RTF1: variants seen among roughly 807,000 people sequenced by gnomAD.
RTF1 encodes the protein RTF1 homolog, Paf1/RNA polymerase II complex component.
A neutral mutation model predicts 95.7 loss-of-function variants in RTF1; 10 were observed. The observed-to-expected ratio is 0.10, with a 90% CI of 0.06 to 0.18. RTF1 has a LOEUF of 0.18. Ranked by LOEUF, RTF1 falls within the 10% of genes least tolerant of loss-of-function variation. The pLI, the probability that RTF1 is intolerant of heterozygous loss-of-function variation, is 1.00. For missense variants in RTF1, 458 were observed against 875.6 expected (o/e 0.52, Z 6.02); for synonymous variants, 305 against 311.8 (o/e 0.98, Z 0.23).
In RTF1 at chr15:41,482,155, A is replaced by G. The variant is rs2050979882; in HGVS notation, c.*1468A>G. ...GTATACATATATATGGTCAGCATAT[A>G]TATTGTGCAGCTAGGGCGAAGCCAG... is the stretch of plus-strand genomic sequence containing the variant. On this transcript the variant is annotated 3_prime_UTR_variant, in exon 18 of 18. Coordinates refer to ENST00000389629, the MANE Select transcript of RTF1 (RefSeq NM_015138.5). The G allele has an allele frequency of 6.6e-6, 1 of 152,558 alleles. No individual in the cohort carries two copies. The highest frequency in any genetic ancestry group is 2.1e-4 in the South Asian group (1 of 4,834). 9.5% of individuals were successfully genotyped at this position (152,558 alleles called of 1,614,324 possible). A position where few individuals can be genotyped will look rare whatever the true frequency, so the allele number is the denominator to read the frequency against.
intron 1 of RTF1, among the ~76,000 whole-genome samples, chr15:41,429,299 C>A (rs773478083): frequency 3.9e-5 from 6 of 152,164 alleles, no homozygotes; most frequent in Non-Finnish European, 7.3e-5. Flanking sequence ...CTTTTTTCCT[C>A]GTCATCTCGT....
At chr15:41,466,707 A>G (rs2050882186) in intron 6 of RTF1, among the ~76,000 whole-genome samples, 1 of 152,256 alleles carries the variant, frequency 6.6e-6, no homozygotes, top group Non-Finnish European at 1.5e-5. Flanking sequence ...CACTTGAATC[A>G]GGATCTTAAA....
intron 9 of RTF1, 144 bp downstream of exon 9, chr15:41,474,846 G>A (rs1595440659): frequency 1.5e-6 from 1 of 688,804 alleles, no homozygotes; most frequent in South Asian, 1.7e-5. Context: ...AGGGAGACTT[G>A]TATTCCATCT....
At chr15:41,417,820 C>G (rs539657736) in intron 1 of RTF1, among the ~76,000 whole-genome samples, 1 of 152,140 alleles carries the variant, frequency 6.6e-6, no homozygotes, top group Non-Finnish European at 1.5e-5. Flanking sequence ...GTAAATGTTC[C>G]TAGGAGCCTC....
intron 5 of RTF1, among the ~76,000 whole-genome samples, chr15:41,465,853 G>T (rs2050877952): frequency 6.6e-6 from 1 of 152,230 alleles, no homozygotes; most frequent in Non-Finnish European, 1.5e-5. Context: ...GGGGCTGAGT[G>T]TAGTGGCTTA....
At chr15:41,423,304 A>G (rs1439295943) in intron 1 of RTF1, among the ~76,000 whole-genome samples, 2 of 152,166 alleles carry the variant, frequency 1.3e-5, no homozygotes, top group East Asian at 3.8e-4. Flanking sequence ...GTCATGTTGC[A>G]TCTAGCTTGA....
chr15:41,465,568 G>A (rs28372178), intron 5 of RTF1, among the ~76,000 whole-genome samples: 11 of 152,006 alleles, frequency 7.2e-5, no homozygotes, highest in African/African-American at 2.7e-4. Flanking sequence ...TTGAACCTCA[G>A]AAGCGGAGGT....
At chr15:41,474,768 G>C in intron 9 of RTF1, 66 bp downstream of exon 9, 1 of 1,118,108 alleles carries the variant, frequency 8.9e-7, no homozygotes, top group South Asian at 1.2e-5. Flanking sequence ...GGGGGCTGCT[G>C]TTCTCTCTGT....
rs557170204 is a variant in RTF1 at position 41,427,244 on chromosome 15, C to T, written c.198+9931C>T. 5.9e-4 allele frequency among the ~76,000 whole-genome samples: 89 copies of T among 149,974 alleles called. 1 individual carries two copies. The highest frequency in any genetic ancestry group is 3.9e-3 in the Admixed American group (58 of 14,918). On this transcript the variant is annotated intron_variant, in intron 1 of 17. Transcript: ENST00000389629. ...TCGGCTCACTGCAAGCTCCGCCTCC[C>T]GGGTTCACGCCATTCTCCTGCCTCA... is the stretch of plus-strand genomic sequence containing the variant.
At chr15:41,419,640 GCA>G (rs2140942538) in intron 1 of RTF1, among the ~76,000 whole-genome samples, 1 of 152,260 alleles carries the variant, frequency 6.6e-6, no homozygotes, top group African/African-American at 2.4e-5. Flanking sequence ...TCTTGGTAAA[GCA>G]CTCTCAAGAC....
intron 1 of RTF1, 23 bp from the exon 2 acceptor site, chr15:41,438,298 T>C (rs1238358649): frequency 8.2e-6 from 12 of 1,465,692 alleles, no homozygotes; most frequent in South Asian, 1.2e-5. Context: ...ACAAAACTGA[T>C]GTGCCTATTT....
intron 4 of RTF1, among the ~76,000 whole-genome samples, chr15:41,463,394 C>T (rs1190558697): frequency 1.3e-5 from 2 of 152,196 alleles, no homozygotes; most frequent in Non-Finnish European, 2.9e-5. Context: ...TGAGAAACTG[C>T]AGCTGCATCA....
intron 1 of RTF1, among the ~76,000 whole-genome samples, chr15:41,417,574 CG>C (rs1310849630): frequency 1.3e-5 from 2 of 152,172 alleles, no homozygotes; most frequent in East Asian, 3.9e-4. Flanking sequence ...GCCTCGGGCT[CG>C]GGGGTAGCGA....
intron 15 of RTF1, 63 bp from the exon 16 acceptor site, chr15:41,479,040 A>C (rs749497849): frequency 1.3e-4 from 148 of 1,159,200 alleles, no homozygotes; most frequent in Admixed American, 2.8e-4. Flanking sequence ...GGTGGGAAAG[A>C]ATCTGGCAGT....
chr15:41,437,484 A>G (rs1440211435), intron 1 of RTF1, among the ~76,000 whole-genome samples: 1 of 152,156 alleles, frequency 6.6e-6, no homozygotes, highest in African/African-American at 2.4e-5. Context: ...TGACACAGCG[A>G]GACTCTGTCT....
Position 41,466,215 on chromosome 15 carries a change from G to A in RTF1, c.852G>A (p.Glu284=). 6.3e-7 allele frequency: 1 copy of A among 1,591,452 alleles called. No homozygotes were observed. The highest frequency in any genetic ancestry group is 1.2e-5 in the South Asian group (1 of 86,750). The stretch of plus-strand genomic sequence containing the variant: ...ACAAGAAATCTCAAGCCATGGAGGA[G>A]CTAAAAGCAGAGCGAGAAAAACGAA... ...KLDKKSQAME[E]LKAEREKRKN... Residue 284 remains glutamate (E), a synonymous_variant, in exon 6 of 18, where the codon GAG becomes GAA. Coordinates refer to ENST00000389629, the MANE Select transcript of RTF1 (RefSeq NM_015138.5).
intron 4 of RTF1, among the ~76,000 whole-genome samples, chr15:41,461,880 C>T (rs1230878656): frequency 1.3e-5 from 2 of 151,686 alleles, no homozygotes; most frequent in African/African-American, 4.8e-5. Flanking sequence ...GCTGGGATTA[C>T]AGGCGTGAGC....
At chr15:41,439,671 G>T (rs2050722806) in intron 2 of RTF1, among the ~76,000 whole-genome samples, 2 of 152,062 alleles carry the variant, frequency 1.3e-5, no homozygotes, top group South Asian at 4.1e-4. Flanking sequence ...ATTTTTTTGA[G>T]ATGGAGTCTC....
At chr15:41,471,636 T>G (rs944217824) in intron 8 of RTF1, among the ~76,000 whole-genome samples, 2 of 152,172 alleles carry the variant, frequency 1.3e-5, no homozygotes, top group Non-Finnish European at 2.9e-5. Context: ...AAGTGTTCAT[T>G]GGGAGTTACA....
Sources: gnomAD v4.1 joint callset for allele counts (sites outside exome capture counted in the v4.1 genomes callset) on GRCh38, gnomAD v4.1.1 for gene constraint, MANE v1.5 for transcripts, NCBI Gene and HGNC (gene_info 2026-07-23, HGNC 2026-07-21) for gene names.